Variants in MAPRE1 observed in about 807,000 individuals in gnomAD.
The protein encoded by MAPRE1 is microtubule associated protein RP/EB family member 1, also known as microtubule-associated protein RP/EB family member 1.
In MAPRE1, 5 loss-of-function variants were observed where a neutral mutation model predicts 32.1. The observed-to-expected ratio is 0.16, with a 90% CI of 0.08 to 0.33. The LOEUF is 0.33. Among genes scored for constraint, MAPRE1 ranks in the 10% least tolerant of loss-of-function variants. MAPRE1 has a pLI of 1.00. For missense variants in MAPRE1, 209 were observed against 327.2 expected (o/e 0.64, Z 2.79); for synonymous variants, 122 against 118.9 (o/e 1.03, Z -0.17).
rs751871859 is a variant in MAPRE1, at chr20:32,836,729, A to G, written c.363A>G (p.Gly121=). The G allele has an allele frequency of 3.7e-6, 6 of 1,613,862 alleles. No homozygotes were observed. The highest frequency in any genetic ancestry group is 5.1e-6 in the Non-Finnish European group (6 of 1,179,758). Residue 121 remains glycine, a synonymous_variant, in exon 4 of 7, where the codon GGA becomes GGG. Coordinates refer to ENST00000375571, the MANE Select transcript of MAPRE1 (RefSeq NM_012325.3). ...AGTTTTTCGATGCAAACTATGATGG[A>G]AAAGACTATGACCCTGTGGCTGCCA... The part of the protein sequence containing the change: ...FKKFFDANYD[G]KDYDPVAARQ...
Position 32,841,592 on chromosome 20 carries a change from A to G in MAPRE1, c.597+1736A>G, listed in dbSNP as rs1329471013. On this transcript the variant is annotated intron_variant, in intron 5 of 6. Coordinates refer to ENST00000375571, the MANE Select transcript of MAPRE1 (RefSeq NM_012325.3). ...TAACTCGTCATCTAGCATTAGGTAT[A>G]TCTCCCAATGCTATCCCTCCCCCCT... is the stretch of plus-strand genomic sequence containing the variant. 2.0e-5 allele frequency among the ~76,000 whole-genome samples: 3 copies of G among 149,968 alleles called. No homozygotes were observed. In the East Asian group the frequency reaches 5.9e-4, roughly 30 times the overall value.
chr20:32,823,811 C>A (rs1164682483), intron 1 of MAPRE1, among the ~76,000 whole-genome samples: 2 of 152,136 alleles, frequency 1.3e-5, no homozygotes, highest in Non-Finnish European at 2.9e-5. Flanking sequence ...ATGGCTTGAG[C>A]CTGGGAAGTC....
rs980867089 is a variant in MAPRE1, at chr20:32,850,241, C to G, written c.*1513C>G. On this transcript the variant is annotated 3_prime_UTR_variant, in exon 7 of 7. Transcript: ENST00000375571. ...AATGCCAAAAAATGCAAGTAACTAGCCATTGTTCAAATGACAGTGGTGCTA... is the reference window on the plus strand; with the variant it reads ...AATGCCAAAAAATGCAAGTAACTAGGCATTGTTCAAATGACAGTGGTGCTA... The G allele has an allele frequency of 6.6e-6, 1 of 152,596 alleles. No individual in the cohort carries two copies. The highest frequency in any genetic ancestry group is 1.5e-5 in the Non-Finnish European group (1 of 68,036). The allele number at this position is 152,596 out of a possible 1,614,324, so 9.5% of individuals were successfully genotyped here. A position where few individuals can be genotyped will look rare whatever the true frequency, so the allele number is the denominator to read the frequency against.
At chr20:32,823,395 G>T (rs1252353143) in intron 1 of MAPRE1, among the ~76,000 whole-genome samples, 12 of 151,374 alleles carry the variant, frequency 7.9e-5, no homozygotes. Context: ...CACTGGTAAT[G>T]TTGCTGTCTT....
intron 2 of MAPRE1, among the ~76,000 whole-genome samples, chr20:32,829,024 G>A (rs1420776171): frequency 6.6e-6 from 1 of 151,862 alleles, no homozygotes; most frequent in Non-Finnish European, 1.5e-5. Context: ...AGGTTCAAGC[G>A]ATTCTCCTGC....
intron 5 of MAPRE1, among the ~76,000 whole-genome samples, chr20:32,843,922 C>G (rs1211403148): frequency 6.6e-6 from 1 of 151,170 alleles, no homozygotes; most frequent in Non-Finnish European, 1.5e-5. Context: ...GGCGTGAGCT[C>G]AGCTCACTGC....
intron 5 of MAPRE1, among the ~76,000 whole-genome samples, chr20:32,841,937 A>C (rs1450717665): frequency 6.6e-6 from 1 of 151,766 alleles, no homozygotes; most frequent in African/African-American, 2.4e-5. Context: ...GACTGTGATG[A>C]TTATGGTTCT....
At chr20:32,825,019 G>A (rs1982801893) in intron 1 of MAPRE1, among the ~76,000 whole-genome samples, 1 of 151,896 alleles carries the variant, frequency 6.6e-6, no homozygotes, top group African/African-American at 2.4e-5. Context: ...AGGCATGGTG[G>A]CATGCGCCTG....
intron 5 of MAPRE1, among the ~76,000 whole-genome samples, chr20:32,840,088 G>C (rs1983319012): frequency 6.6e-6 from 1 of 152,330 alleles, no homozygotes; most frequent in Non-Finnish European, 1.5e-5. Context: ...TCGGAAGCCA[G>C]TGCTTAGACT....
chr20:32,845,733 T>G (rs945099038), intron 5 of MAPRE1, among the ~76,000 whole-genome samples: 1 of 152,202 alleles, frequency 6.6e-6, no homozygotes, highest in Non-Finnish European at 1.5e-5. Context: ...TTCTCCCGAC[T>G]CAGCCTCTAG....
intron 5 of MAPRE1, among the ~76,000 whole-genome samples, chr20:32,842,007 T>G (rs954007521): frequency 3.3e-5 from 5 of 152,138 alleles, no homozygotes; most frequent in African/African-American, 1.2e-4. Flanking sequence ...AACCAGTTTT[T>G]TTTTTTGGCT....
At chr20:32,824,006 A>T (rs1309974873) in intron 1 of MAPRE1, among the ~76,000 whole-genome samples, 1 of 152,210 alleles carries the variant, frequency 6.6e-6, no homozygotes, top group Non-Finnish European at 1.5e-5. Context: ...CTAGAGCTTC[A>T]TGTGGTTGCT....
At chr20:32,845,112 C>T (rs943066049) in intron 5 of MAPRE1, among the ~76,000 whole-genome samples, 1 of 152,156 alleles carries the variant, frequency 6.6e-6, no homozygotes, top group Non-Finnish European at 1.5e-5. Flanking sequence ...CCATTGATAG[C>T]TTACTGCAGC....
intron 2 of MAPRE1, among the ~76,000 whole-genome samples, chr20:32,830,768 G>A (rs1043734322): frequency 3.0e-4 from 44 of 145,774 alleles, no homozygotes; most frequent in Non-Finnish European, 5.4e-4. Flanking sequence ...GCGGAGTCTC[G>A]CTCTGTTGCC....
At position 32,825,164 on chromosome 20, in the gene MAPRE1, AAG is replaced by A. The variant is rs1442862623; in HGVS notation, c.-3-759_-3-758del. On this transcript the variant is annotated intron_variant, in intron 1 of 6. Coordinates refer to ENST00000375571, the MANE Select transcript of MAPRE1 (RefSeq NM_012325.3). ...AAGACTGTCTCAAAAAAAAAAAAAA[AAG>A]AAAGAAACAAACAAACAAAAAACCA... is the stretch of plus-strand genomic sequence containing the variant. Among the ~76,000 whole-genome samples the A allele has an allele frequency of 4.1e-3, 620 of 149,676 alleles. 13 individuals carry two copies. In the East Asian group the frequency reaches 0.063, roughly 15 times the overall value.
At chr20:32,822,525 G>A (rs187739603) in intron 1 of MAPRE1, among the ~76,000 whole-genome samples, 199 of 152,270 alleles carry the variant, frequency 1.3e-3, no homozygotes, top group African/African-American at 4.8e-3. Flanking sequence ...GGAGATAGGA[G>A]GATGAGTGAG....
chr20:32,839,262 C>T (rs1392530417), intron 4 of MAPRE1, among the ~76,000 whole-genome samples: 7 of 152,174 alleles, frequency 4.6e-5, no homozygotes, highest in African/African-American at 7.2e-5. Flanking sequence ...TGGCAACAGC[C>T]GAGACTGTGT....
chr20:32,821,792 G>A (rs1232618910), intron 1 of MAPRE1, among the ~76,000 whole-genome samples: 1 of 152,188 alleles, frequency 6.6e-6, no homozygotes, highest in Non-Finnish European at 1.5e-5. Context: ...ATTTGTATAG[G>A]TTTGGGATCT....
chr20:32,842,149 G>T (rs1983382561), intron 5 of MAPRE1, among the ~76,000 whole-genome samples: 1 of 151,900 alleles, frequency 6.6e-6, no homozygotes, highest in Non-Finnish European at 1.5e-5. Context: ...GCAGTGGCGC[G>T]ATCTTTGCTC....
Sources: gnomAD v4.1 joint callset for allele counts (sites outside exome capture counted in the v4.1 genomes callset) on GRCh38, gnomAD v4.1.1 for gene constraint, MANE v1.5 for transcripts, NCBI Gene and HGNC (gene_info 2026-07-23, HGNC 2026-07-21) for gene names.